The following FILIP1L variants were observed in gnomAD, a reference collection of about 807,000 sequenced individuals.
The protein encoded by FILIP1L is filamin A-interacting protein 1-like.
FILIP1L carries 55 observed loss-of-function variants against 96.6 expected under a neutral mutation model. The ratio of observed to expected loss-of-function variants is 0.57; its 90% CI spans 0.46 to 0.71. The LOEUF is 0.71. FILIP1L is among the 30% of genes least tolerant of loss of function. The pLI is 0.00. For synonymous variants in FILIP1L, 467 were observed against 473.9 expected (o/e 0.99, Z 0.19); for missense variants, 1,304 against 1,321.2 (o/e 0.99, Z 0.20).
At chr3:100,091,305 A>G (rs2066104870) in intron 1 of FILIP1L, among the ~76,000 whole-genome samples, 1 of 151,970 alleles carries the variant, frequency 6.6e-6, no homozygotes, top group African/African-American at 2.4e-5. Flanking sequence ...AAAAAAAAGA[A>G]AAAAGAAACC....
chr3:99,923,087 TCCA>T (rs1227727244), intron 4 of FILIP1L, among the ~76,000 whole-genome samples: 1 of 152,072 alleles, frequency 6.6e-6, no homozygotes, highest in Non-Finnish European at 1.5e-5. Flanking sequence ...CTTCTAAGCT[TCCA>T]CCATTTTTTT....
chr3:99,835,390 A>G (rs913082276), intron 5 of FILIP1L, among the ~76,000 whole-genome samples: 7 of 152,240 alleles, frequency 4.6e-5, no homozygotes, highest in African/African-American at 1.7e-4. Context: ...GATCACCTGT[A>G]AAGTCCTTTG....
chr3:99,982,000 C>T (rs2107733751), intron 1 of FILIP1L, among the ~76,000 whole-genome samples: 1 of 151,946 alleles, frequency 6.6e-6, no homozygotes, highest in East Asian at 2.1e-4. Context: ...AGCATAATCA[C>T]TTTTCTATTT....
intron 1 of FILIP1L, among the ~76,000 whole-genome samples, chr3:100,020,721 T>G (rs899159200): frequency 1.3e-5 from 2 of 151,834 alleles, no homozygotes; most frequent in Non-Finnish European, 2.9e-5. Context: ...TACTATTAAC[T>G]TACTAAGAAC....
intron 1 of FILIP1L, among the ~76,000 whole-genome samples, chr3:99,992,561 A>G (rs1286721448): frequency 1.3e-5 from 2 of 152,032 alleles, no homozygotes; most frequent in Non-Finnish European, 2.9e-5. Flanking sequence ...GATTCTGGTT[A>G]TTAGCCCTTT....
At chr3:99,919,006 T>A (rs965050832) in intron 4 of FILIP1L, among the ~76,000 whole-genome samples, 5 of 152,220 alleles carry the variant, frequency 3.3e-5, no homozygotes, top group Non-Finnish European at 7.3e-5. Context: ...AACAATAGTT[T>A]AGTGTGTATG....
intron 4 of FILIP1L, among the ~76,000 whole-genome samples, chr3:99,859,346 C>A (rs1944127889): frequency 6.6e-6 from 1 of 152,220 alleles, no homozygotes; most frequent in Non-Finnish European, 1.5e-5. Flanking sequence ...CTCCCAGTAA[C>A]AACCAAATAG....
chr3:99,889,162 AT>A (rs1198701463), intron 4 of FILIP1L, among the ~76,000 whole-genome samples: 3 of 152,022 alleles, frequency 2.0e-5, no homozygotes, highest in Non-Finnish European at 4.4e-5. Flanking sequence ...AACCTTACTG[AT>A]TTTTATCTGC....
chr3:100,103,487 C>G (rs190700), intron 1 of FILIP1L, among the ~76,000 whole-genome samples: 2 of 152,212 alleles, frequency 1.3e-5, no homozygotes, highest in Non-Finnish European at 2.9e-5. Flanking sequence ...AACTGAAGAT[C>G]TAGAGTCTTT....
At chr3:100,014,883 TTTTC>T (rs1576642166) in intron 1 of FILIP1L, among the ~76,000 whole-genome samples, 4 of 125,386 alleles carry the variant, frequency 3.2e-5, no homozygotes, top group Non-Finnish European at 3.4e-5. Flanking sequence ...TCTTTTTTTT[TTTTC>T]TTTCTTTCTT....
At chr3:100,074,637 T>C (rs867525615) in intron 1 of FILIP1L, among the ~76,000 whole-genome samples, 3 of 149,342 alleles carry the variant, frequency 2.0e-5, no homozygotes, top group East Asian at 2.0e-4. Context: ...TTCCCAATGT[T>C]TCTTTTAATC....
intron 4 of FILIP1L, among the ~76,000 whole-genome samples, chr3:99,851,686 A>G (rs775592356): frequency 6.6e-6 from 1 of 152,214 alleles, no homozygotes; most frequent in Non-Finnish European, 1.5e-5. Flanking sequence ...AAAGTGTTCA[A>G]TTAATGTTTG....
chr3:99,864,858 CTG>C (rs1219368321), intron 4 of FILIP1L, among the ~76,000 whole-genome samples: 3 of 152,154 alleles, frequency 2.0e-5, no homozygotes, highest in African/African-American at 7.2e-5. Context: ...TTATTGATTA[CTG>C]TCTCTCCTAC....
chr3:99,843,733 C>G (rs1223687635), intron 5 of FILIP1L, among the ~76,000 whole-genome samples: 1 of 152,122 alleles, frequency 6.6e-6, no homozygotes, highest in Non-Finnish European at 1.5e-5. Flanking sequence ...GCAGGGGCCT[C>G]TAAACCCTGG....
intron 1 of FILIP1L, among the ~76,000 whole-genome samples, chr3:100,035,505 C>T (rs2065093044): frequency 6.6e-6 from 1 of 152,068 alleles, no homozygotes; most frequent in African/African-American, 2.4e-5. Flanking sequence ...ACTCCTGATC[C>T]ACCCGCCTCA....
At chr3:99,912,648 C>T (rs1430492263) in intron 4 of FILIP1L, among the ~76,000 whole-genome samples, 4 of 152,118 alleles carry the variant, frequency 2.6e-5, no homozygotes, top group African/African-American at 7.2e-5. Context: ...AAAGTGCTGG[C>T]ATTACAGGCA....
chr3:99,836,957 T>G (rs1425069914), intron 5 of FILIP1L, among the ~76,000 whole-genome samples: 1 of 152,214 alleles, frequency 6.6e-6, no homozygotes, highest in Non-Finnish European at 1.5e-5. Flanking sequence ...ATTTCCTTCC[T>G]TATTGGCAGT....
At chr3:99,876,404 C>G (rs969829302) in intron 4 of FILIP1L, among the ~76,000 whole-genome samples, 3 of 145,110 alleles carry the variant, frequency 2.1e-5, no homozygotes, top group African/African-American at 7.8e-5. Context: ...TGGGCCGGGG[C>G]GCCGGCGCCC....
intron 1 of FILIP1L, among the ~76,000 whole-genome samples, chr3:100,093,266 G>A (rs1237821247): frequency 6.6e-6 from 1 of 152,082 alleles, no homozygotes; most frequent in Non-Finnish European, 1.5e-5. Context: ...TATAGCTGAT[G>A]TCTTCTGTAA....
Sources: allele counts gnomAD v4.1 joint callset (sites outside exome capture counted in the v4.1 genomes callset), GRCh38; gene constraint gnomAD v4.1.1; transcripts MANE v1.5; gene names NCBI Gene and HGNC (gene_info 2026-07-23, HGNC 2026-07-21).